NCF2: variants seen among roughly 807,000 people sequenced by gnomAD.
NCF2 encodes the protein neutrophil cytosol factor 2.
A neutral mutation model predicts 70.9 loss-of-function variants in NCF2; 45 were observed. That is an observed-to-expected ratio of 0.63 (90% CI 0.50 to 0.81). The LOEUF (loss-of-function observed/expected upper bound fraction) is 0.81. Among genes scored for constraint, NCF2 ranks in the 40% least tolerant of loss-of-function variants. The pLI, the probability that NCF2 is intolerant of heterozygous loss-of-function variation, is 0.00. For synonymous variants in NCF2, 203 were observed against 233.6 expected, an observed-to-expected ratio of 0.87 and a Z score of 1.19; for missense variants, 522 against 631.6, an observed-to-expected ratio of 0.83 and a Z score of 1.86.
chr1:183,579,738 CAAAAAAAAAAAA>C (rs397982209), intron 2 of NCF2, among the ~76,000 whole-genome samples: 15 of 38,868 alleles, frequency 3.9e-4, no homozygotes, highest in South Asian at 8.9e-4. Context: ...GACTCTGTCT[CAAAAAAAAAAAA>C]AAAAAAAAAA....
chr1:183,597,647 T>C, the NCF2 span: 1 of 152,240 alleles, frequency 6.6e-6, no homozygotes, highest in South Asian at 2.1e-4. Flanking sequence ...CCAGTGTCTA[T>C]TGTTCCCATC....
intron 3 of NCF2, 125 bp downstream of exon 3, chr1:183,577,474 G>T: frequency 1.3e-6 from 1 of 759,840 alleles, no homozygotes. Context: ...GAGTCTCAAG[G>T]CAGAGGAGGC....
intron 2 of NCF2, among the ~76,000 whole-genome samples, chr1:183,579,277 T>C (rs1672944084): frequency 6.6e-6 from 1 of 152,198 alleles, no homozygotes; most frequent in African/African-American, 2.4e-5. Flanking sequence ...ACATATTATA[T>C]GCAAAGAATG....
the NCF2 span, among the ~76,000 whole-genome samples, chr1:183,598,534 A>G: frequency 1.3e-5 from 2 of 152,158 alleles, no homozygotes; most frequent in African/African-American, 4.8e-5. Context: ...GCAGAGATCA[A>G]AGGCAGAGTA....
the NCF2 span, among the ~76,000 whole-genome samples, chr1:183,599,474 CTTTCTTTCTCTTTTCTTT>C: frequency 7.3e-6 from 1 of 136,966 alleles, no homozygotes; most frequent in African/African-American, 2.9e-5. Context: ...TTCTTTCTTT[CTTTCTTTCTCTTTTCTTT>C]CTTTCTCTTT....
chr1:183,600,359 A>G, the NCF2 span, among the ~76,000 whole-genome samples: 1 of 152,098 alleles, frequency 6.6e-6, no homozygotes, highest in Non-Finnish European at 1.5e-5. Context: ...AGTGCACCCA[A>G]CTCTTGTGTC....
chr1:183,585,539 TG>T (rs1367355238), intron 2 of NCF2, among the ~76,000 whole-genome samples: 26 of 149,670 alleles, frequency 1.7e-4, no homozygotes, highest in Non-Finnish European at 5.9e-5. Context: ...GCAAGAGAAT[TG>T]TTTGAACGTG....
intron 3 of NCF2, among the ~76,000 whole-genome samples, chr1:183,575,412 C>T (rs1451608640): frequency 2.0e-5 from 3 of 152,136 alleles, no homozygotes; most frequent in African/African-American, 7.2e-5. Context: ...GAGGTTAGCA[C>T]AGAAGCCAGG....
upstream of NCF2, among the ~76,000 whole-genome samples, chr1:183,595,754 C>G (rs1673753757): frequency 6.6e-6 from 1 of 152,100 alleles, no homozygotes; most frequent in Non-Finnish European, 1.5e-5. Context: ...CCAGGCCCAC[C>G]CAGAATATTC....
chr1:183,565,356 T>C (rs1672254788), intron 10 of NCF2, among the ~76,000 whole-genome samples: 1 of 152,228 alleles, frequency 6.6e-6, no homozygotes, highest in Admixed American at 6.5e-5. Flanking sequence ...AGCCACTCCA[T>C]GCCCCTCAGA....
intron 1 of NCF2, among the ~76,000 whole-genome samples, chr1:183,587,995 C>A (rs141063458): frequency 6.6e-6 from 1 of 152,106 alleles, no homozygotes; most frequent in Non-Finnish European, 1.5e-5. Flanking sequence ...AAGCTTTGAG[C>A]CAGTAGACAC....
chr1:183,557,272 C>T (rs968005935), intron 14 of NCF2, among the ~76,000 whole-genome samples: 6 of 152,238 alleles, frequency 3.9e-5, no homozygotes, highest in African/African-American at 7.2e-5. Flanking sequence ...CTAGATCAGA[C>T]ATTAAGGCAC....
chr1:183,560,665 T>C (rs1394438810), intron 13 of NCF2, among the ~76,000 whole-genome samples: 1 of 152,242 alleles, frequency 6.6e-6, no homozygotes, highest in Non-Finnish European at 1.5e-5. Context: ...CTAATGCTGC[T>C]GCTGATCTGA....
chr1:183,586,808 T>C, intron 2 of NCF2, 87 bp downstream of exon 2: 2 of 1,198,676 alleles, frequency 1.7e-6, no homozygotes, highest in Admixed American at 3.4e-5. Flanking sequence ...GTTGGGAAGG[T>C]ACTGCTCAAA....
chr1:183,593,210 G>A (rs900118416), upstream of NCF2, among the ~76,000 whole-genome samples: 2 of 152,102 alleles, frequency 1.3e-5, no homozygotes, highest in Non-Finnish European at 2.9e-5. Flanking sequence ...CACTAGCAAA[G>A]CCATTCATGC....
intron 2 of NCF2, among the ~76,000 whole-genome samples, chr1:183,580,263 T>G (rs970371801): frequency 1.3e-5 from 2 of 152,212 alleles, no homozygotes; most frequent in African/African-American, 4.8e-5. Flanking sequence ...TGCAGGCCAT[T>G]CTTTAAGTAG....
rs533465609 is a variant in NCF2, at chr1:183,560,282, A to G, written c.1291-9T>C. Reference sequence around the variant, plus strand: ...GGAAAGCCTTGGTCACCCTGAAATAATAAAGGGCCTGTTAATTTTCCCAAT... The same window carrying G: ...GGAAAGCCTTGGTCACCCTGAAATAGTAAAGGGCCTGTTAATTTTCCCAAT... On this transcript the variant is annotated splice_polypyrimidine_tract_variant and intron_variant, in intron 13 of 14. Transcript: ENST00000367535. 1 of 1,614,184 alleles carries G rather than the reference A, an allele frequency of 6.2e-7. No individual in the cohort carries two copies. Among genetic ancestry groups the G allele is most frequent in the East Asian group, 2.2e-5 (1 of 44,886 alleles).
intron 13 of NCF2, among the ~76,000 whole-genome samples, chr1:183,561,040 A>G (rs1180868998): frequency 6.6e-6 from 1 of 152,258 alleles, no homozygotes; most frequent in Admixed American, 6.5e-5. Flanking sequence ...CCTCTAGGGA[A>G]TTCTGATACT....
intron 2 of NCF2, among the ~76,000 whole-genome samples, chr1:183,584,091 A>G (rs935244012): frequency 6.6e-6 from 1 of 152,054 alleles, no homozygotes; most frequent in African/African-American, 2.4e-5. Flanking sequence ...CATTCCCTGG[A>G]TGGATCTCAG....
Sources: gnomAD v4.1 joint callset for allele counts (sites outside exome capture counted in the v4.1 genomes callset) on GRCh38, gnomAD v4.1.1 for gene constraint, MANE v1.5 for transcripts, NCBI Gene and HGNC (gene_info 2026-07-23, HGNC 2026-07-21) for gene names.